Variants in ARSL observed in about 807,000 individuals in gnomAD.
ARSL encodes the protein arylsulfatase E (chondrodysplasia punctata 1).
In ARSL, 4 loss-of-function variants were observed where a neutral mutation model predicts 31.1. The observed-to-expected ratio is 0.13, with a 90% confidence interval of 0.06 to 0.29. The LOEUF (loss-of-function observed/expected upper bound fraction) is 0.29. ARSL is among the 10% of genes least tolerant of loss of function. The pLI, the probability that ARSL is intolerant of heterozygous loss-of-function variation, is 1.00. For missense variants in ARSL, 312 were observed against 497.8 expected, an observed-to-expected ratio of 0.63 and a Z score of 3.55; for synonymous variants, 198 against 209.9, an observed-to-expected ratio of 0.94 and a Z score of 0.49.
At chrX:2,945,705 G>A (rs1309105598) in intron 7 of ARSL, among the ~76,000 whole-genome samples, 3 of 111,572 alleles carry the variant, frequency 2.7e-5, no homozygotes, top group African/African-American at 9.8e-5. Flanking sequence ...AGATTAGGAC[G>A]TGGATGTCTC....
At chrX:2,951,279 A>G (rs1603462150) in intron 5 of ARSL, among the ~76,000 whole-genome samples, 2 of 111,159 alleles carry the variant, frequency 1.8e-5, no homozygotes, top group South Asian at 7.6e-4. Flanking sequence ...AACCACTATC[A>G]TAGTGGCCAT....
intron 7 of ARSL, among the ~76,000 whole-genome samples, chrX:2,943,741 CAAAAAAAAAAAAA>C (rs63205261): frequency 7.3e-5 from 1 of 13,725 alleles, no homozygotes; most frequent in Non-Finnish European, 1.3e-4. Flanking sequence ...GACTCGGTCT[CAAAAAAAAAAAAA>C]AAAAAAAAAA....
chrX:2,935,089 C>T lies in ARSL; in HGVS notation c.1513G>A (p.Val505Ile), dbSNP rs766206289. Reference sequence around the variant, plus strand: ...AGCAAAGGTGGATCGTGGTGGACTACTTTTTCCCCAAAGCACGGGCAGACC... The same window carrying T: ...AGCAAAGGTGGATCGTGGTGGACTATTTTTTCCCCAAAGCACGGGCAGACC... Reference protein sequence around the residue: ...RKVCPCFGEKVVHHDPPLLFD... With the variant: ...RKVCPCFGEKIVHHDPPLLFD... The change falls in exon 11 of 11, where the codon GTA becomes ATA. Residue 505 changes from valine (V) to isoleucine (I), a missense_variant. Coordinates refer to ENST00000381134, the MANE Select transcript of ARSL (RefSeq NM_000047.3). 3 of 1,211,653 alleles carry T rather than the reference C, an allele frequency of 2.5e-6. No homozygotes were observed. The highest frequency in any genetic ancestry group is 3.4e-6 in the Non-Finnish European group (3 of 895,480).
At chrX:2,953,026 C>A in intron 5 of ARSL, 117 bp downstream of exon 5, 1 of 932,742 alleles carries the variant, frequency 1.1e-6, no homozygotes. Flanking sequence ...ATACATGCAG[C>A]TTTCTGTCTA....
Position 2,958,325 on chromosome X carries a change from G to A in ARSL, c.134C>T (p.Ala45Val), listed in dbSNP as rs761135869. The A allele has an allele frequency of 1.1e-5, 13 of 1,210,275 alleles. No individual in the cohort carries two copies. Among genetic ancestry groups the A allele is most frequent in the Non-Finnish European group, 1.3e-5 (12 of 895,307 alleles). The part of the protein sequence containing the change: ...ASRPNILLLM[A>V]DDLGIGDIGC... Reference sequence around the variant, plus strand: ...AATGTCCCCAATGCCAAGGTCGTCCGCCATCAGAAGAAGGATGTTCGGTCG... The same window carrying A: ...AATGTCCCCAATGCCAAGGTCGTCCACCATCAGAAGAAGGATGTTCGGTCG... Residue 45 changes from alanine (A) to valine (V), a missense_variant, in exon 3 of 11, where the codon GCG becomes GTG. Physicochemically the swap from Ala to Val is moderately conservative, Grantham distance 64. Coordinates refer to ENST00000381134, the MANE Select transcript of ARSL (RefSeq NM_000047.3).
chrX:2,960,616 T>C (rs1603462462), intron 1 of ARSL, 196 bp from the exon 2 acceptor site: 2 of 426,397 alleles, frequency 4.7e-6, no homozygotes, highest in Non-Finnish European at 4.0e-6. Context: ...TGTTTAATAC[T>C]ATGTTAAGAA....
At chrX:2,959,990 C>A in intron 2 of ARSL, 1 of 230,461 alleles carries the variant, frequency 4.3e-6, no homozygotes. Context: ...AGAAAAGAGG[C>A]CGGGCGCGGT....
chrX:2,968,110 A>C, upstream of ARSL: 2 of 1,155,028 alleles, frequency 1.7e-6, no homozygotes, highest in East Asian at 3.2e-5. Context: ...CACGTGCAAA[A>C]GCCGGCCTGT....
At chrX:2,961,912 G>C (rs938405221) in intron 1 of ARSL, among the ~76,000 whole-genome samples, 2 of 97,078 alleles carry the variant, frequency 2.1e-5, no homozygotes, top group Non-Finnish European at 4.1e-5. Flanking sequence ...ACGGAGTCTT[G>C]CTCTGTTGCC....
rs913592855 is a variant in ARSL at position 2,964,142 on chromosome X, C to T, written c.-21+82G>A. ...AATTATTCAGAGACAGAAAAGGGAA[C>T]GGGGAGCTCTTTGTTCACCACGCTA... On this transcript the variant is annotated intron_variant, in intron 1 of 10. Transcript: ENST00000381134. 21 of 749,097 alleles carry T rather than the reference C, an allele frequency of 2.8e-5. No individual in the cohort carries two copies. The South Asian group carries it at 6.9e-4, about 24-fold the overall frequency. The allele number at this position is 749,097 out of a possible 1,213,427, so 61.7% of individuals were successfully genotyped here.
intron 10 of ARSL, 137 bp downstream of exon 10, chrX:2,936,605 G>T: frequency 2.3e-6 from 2 of 869,565 alleles, no homozygotes; most frequent in Non-Finnish European, 3.2e-6. Context: ...AAAGCTCGTG[G>T]AGAAAAACGG....
At chrX:2,965,287 A>C (rs1184426178), upstream of ARSL, among the ~76,000 whole-genome samples, 1 of 109,504 alleles carries the variant, frequency 9.1e-6, no homozygotes, top group Non-Finnish European at 1.9e-5. Flanking sequence ...GATCACTTGA[A>C]CCCAAGAGCT....
intron 3 of ARSL, among the ~76,000 whole-genome samples, chrX:2,956,358 A>G (rs2089524120): frequency 8.9e-6 from 1 of 112,170 alleles, no homozygotes; most frequent in Admixed American, 9.5e-5. Context: ...GAAATCCCGC[A>G]TAAGTGCTGG....
At chrX:2,942,959 G>T in intron 8 of ARSL, 106 bp downstream of exon 8, 1 of 1,082,257 alleles carries the variant, frequency 9.2e-7, no homozygotes, top group South Asian at 1.9e-5. Flanking sequence ...AAAAATCACT[G>T]TCCCTGAGCA....
At chrX:2,958,159 C>T in intron 3 of ARSL, 115 bp downstream of exon 3, 3 of 1,021,281 alleles carry the variant, frequency 2.9e-6, no homozygotes, top group Non-Finnish European at 4.0e-6. Context: ...CGCAGAAGTG[C>T]AGAACTCTTG....
chrX:2,966,256 AG>A (rs1207775351), upstream of ARSL, among the ~76,000 whole-genome samples: 1 of 111,557 alleles, frequency 9.0e-6, no homozygotes, highest in African/African-American at 3.3e-5. Context: ...TCTCAAAACG[AG>A]TATTAGGAGG....
chrX:2,956,257 C>G (rs1055581940), intron 3 of ARSL, among the ~76,000 whole-genome samples: 3 of 111,589 alleles, frequency 2.7e-5, no homozygotes, highest in Admixed American at 9.5e-5. Flanking sequence ...CGGACTAGCT[C>G]TAGCTCTTGA....
chrX:2,957,388 T>C (rs1390200892), intron 3 of ARSL, among the ~76,000 whole-genome samples: 5 of 109,865 alleles, frequency 4.6e-5, no homozygotes, highest in Non-Finnish European at 9.5e-5. Context: ...GTCCATTATG[T>C]ACTGGGTGGA....
intron 7 of ARSL, among the ~76,000 whole-genome samples, chrX:2,943,549 C>G (rs778338381): frequency 4.6e-5 from 5 of 108,404 alleles, no homozygotes; most frequent in East Asian, 2.9e-4. Context: ...GTAGACCAGC[C>G]TGGCCAACAT....
Sources: gnomAD v4.1 joint callset for allele counts (sites outside exome capture counted in the v4.1 genomes callset) on GRCh38, gnomAD v4.1.1 for gene constraint, MANE v1.5 for transcripts, NCBI Gene and HGNC (gene_info 2026-07-23, HGNC 2026-07-21) for gene names.